Variants in TENM4 observed in about 807,000 individuals in gnomAD.
The protein encoded by TENM4 is teneurin transmembrane protein 4.
A neutral mutation model predicts 243.3 loss-of-function variants in TENM4; 82 were observed. That is an observed-to-expected ratio of 0.34 (90% CI 0.28 to 0.40). TENM4 has a LOEUF of 0.40. TENM4 is among the 10% of genes least tolerant of loss of function. The pLI, the probability that TENM4 is intolerant of heterozygous loss-of-function variation, is 1.00. For synonymous variants in TENM4, 1,412 were observed against 1,456.3 expected, an observed-to-expected ratio of 0.97 and a Z score of 0.69; for missense variants, 3,138 against 3,673.3, an observed-to-expected ratio of 0.85 and a Z score of 3.77.
At chr11:79,301,360 C>T (rs1019670666) in intron 1 of TENM4, among the ~76,000 whole-genome samples, 42 of 152,236 alleles carry the variant, frequency 2.8e-4, no homozygotes, top group Non-Finnish European at 7.4e-5. Flanking sequence ...TTCAGGTTTG[C>T]GAATATCAAG....
intron 12 of TENM4, among the ~76,000 whole-genome samples, chr11:78,846,177 T>C (rs1312636193): frequency 2.0e-5 from 3 of 152,256 alleles, no homozygotes; most frequent in African/African-American, 4.8e-5. Context: ...TATGAGATCT[T>C]GGCAATTAGC....
intron 2 of TENM4, among the ~76,000 whole-genome samples, chr11:79,253,185 A>C (rs903575911): frequency 1.3e-5 from 2 of 152,216 alleles, no homozygotes; most frequent in African/African-American, 4.8e-5. Flanking sequence ...TGTTGGATTA[A>C]TGGATGAACA....
At chr11:79,189,289 T>C (rs544494310) in intron 3 of TENM4, among the ~76,000 whole-genome samples, 1 of 152,230 alleles carries the variant, frequency 6.6e-6, no homozygotes, top group African/African-American at 2.4e-5. Context: ...ATTTGGCAAA[T>C]ACAAGATCCC....
intron 2 of TENM4, among the ~76,000 whole-genome samples, chr11:79,254,955 A>G (rs980412489): frequency 3.9e-5 from 6 of 152,158 alleles, no homozygotes; most frequent in African/African-American, 1.4e-4. Context: ...CTTGAGAGCC[A>G]TGGAGGGGAC....
chr11:79,289,431 T>C (rs1856316653), intron 2 of TENM4, among the ~76,000 whole-genome samples: 1 of 152,218 alleles, frequency 6.6e-6, no homozygotes. Context: ...TCTCCAGGAA[T>C]GGCCTTCAGC....
intron 18 of TENM4, among the ~76,000 whole-genome samples, chr11:78,766,812 C>T (rs77068618): frequency 0.015 from 2,253 of 151,080 alleles, 42 homozygotes; most frequent in African/African-American, 0.035. Context: ...AAGTGATTCT[C>T]GTGCCTCAGC....
At chr11:79,054,703 C>T (rs1859896717) in intron 6 of TENM4, among the ~76,000 whole-genome samples, 1 of 152,132 alleles carries the variant, frequency 6.6e-6, no homozygotes, top group African/African-American at 2.4e-5. Flanking sequence ...GCCTTGGCCT[C>T]CCAAAGTGCT....
chr11:78,895,005 A>G (rs11607333), intron 7 of TENM4, among the ~76,000 whole-genome samples: 16,572 of 118,016 alleles, frequency 0.14, 1,854 homozygotes, highest in African/African-American at 0.28. Context: ...AAAAAAAAAA[A>G]AAGAAGACAA....
chr11:78,702,297 C>A lies in TENM4; in HGVS notation c.4316G>T (p.Arg1439Leu), dbSNP rs201076845. ...GTGCATGGGCCTCCCGGCGACAATG[C>A]GCACCTGGTGGTTTTCAGAGATTTG... ...VLQISENHQV[R>L]IVAGRPMHCQ... The change falls in exon 28 of 34, where the codon CGC (arginine) becomes CTC (leucine). Residue 1439 changes from arginine (R) to leucine (L), a missense_variant. Around this residue, in one of 2 missense-constraint regions of TENM4, gnomAD observed 2,467 missense variants for 3,059.1 expected, o/e 0.81. Coordinates refer to ENST00000278550, the MANE Select transcript of TENM4 (RefSeq NM_001098816.3). 9.3e-6 allele frequency: 15 copies of A among 1,613,896 alleles called. No individual in the cohort carries two copies. The highest frequency in any genetic ancestry group is 2.2e-5 in the South Asian group (2 of 91,086).
intron 3 of TENM4, among the ~76,000 whole-genome samples, chr11:79,149,611 A>G (rs1021624692): frequency 1.3e-5 from 2 of 152,150 alleles, no homozygotes; most frequent in African/African-American, 2.4e-5. Context: ...TGGTAGGTGA[A>G]TATGGTCTGT....
At chr11:79,163,113 A>G (rs1441925084) in intron 3 of TENM4, among the ~76,000 whole-genome samples, 1 of 152,054 alleles carries the variant, frequency 6.6e-6, no homozygotes, top group East Asian at 1.9e-4. Flanking sequence ...GACCCCACAT[A>G]CCAGTTCATT....
chr11:79,273,505 C>T (rs1273761866), intron 2 of TENM4, among the ~76,000 whole-genome samples: 1 of 152,188 alleles, frequency 6.6e-6, no homozygotes, highest in Non-Finnish European at 1.5e-5. Context: ...CCACCACAGG[C>T]CAACCACTTT....
At chr11:78,839,491 T>G (rs1323615168) in intron 12 of TENM4, among the ~76,000 whole-genome samples, 1 of 152,214 alleles carries the variant, frequency 6.6e-6, no homozygotes, top group Admixed American at 6.5e-5. Flanking sequence ...AAAGCTATCT[T>G]GTGCCCCAGT....
chr11:78,725,016 G>A (rs1043699667), intron 23 of TENM4, among the ~76,000 whole-genome samples: 1 of 152,182 alleles, frequency 6.6e-6, no homozygotes, highest in African/African-American at 2.4e-5. Context: ...AGGTGAGTGA[G>A]AAGCAAACTT....
chr11:79,370,277 C>T (rs937232261), intron 1 of TENM4, among the ~76,000 whole-genome samples: 4 of 152,206 alleles, frequency 2.6e-5, no homozygotes, highest in African/African-American at 4.8e-5. Context: ...CATGACAGCA[C>T]AGGCTGTCAC....
intron 3 of TENM4, among the ~76,000 whole-genome samples, chr11:79,164,079 TA>T (rs1363209533): frequency 1.3e-4 from 4 of 30,438 alleles, no homozygotes; most frequent in Non-Finnish European, 2.9e-4. Context: ...ATATATACAC[TA>T]TATATACTAT....
At chr11:78,879,584 T>C (rs1591094191) in intron 9 of TENM4, among the ~76,000 whole-genome samples, 1 of 120,444 alleles carries the variant, frequency 8.3e-6, no homozygotes, top group Non-Finnish European at 1.7e-5. Flanking sequence ...ACGGCCGCCC[T>C]GTCTGGGATG....
At chr11:78,966,193 T>TAAAAAAAAAAAA (rs34603312) in intron 6 of TENM4, among the ~76,000 whole-genome samples, 4 of 131,598 alleles carry the variant, frequency 3.0e-5, no homozygotes, top group Non-Finnish European at 4.8e-5. Flanking sequence ...AAAGGAAAAT[T>TAAAAAAAAAAAA]AAAAAAAAAA....
intron 1 of TENM4, among the ~76,000 whole-genome samples, chr11:79,347,827 C>T (rs1467072984): frequency 1.5e-5 from 2 of 129,776 alleles, no homozygotes; most frequent in East Asian, 2.4e-4. Context: ...GACCGGACTG[C>T]GGACTGCAGT....
Sources: gnomAD v4.1 joint callset for allele counts (sites outside exome capture counted in the v4.1 genomes callset) on GRCh38, gnomAD v4.1.1 for gene constraint, gnomAD v4.1.1 regional missense constraint, MANE v1.5 for transcripts, NCBI Gene and HGNC (gene_info 2026-07-23, HGNC 2026-07-21) for gene names.